ARHGAP21: variants seen among roughly 807,000 people sequenced by gnomAD.
The protein encoded by ARHGAP21 is rho GTPase-activating protein 21.
Under a neutral mutation model 164.6 loss-of-function variants are expected in ARHGAP21, and 38 were observed. The observed-to-expected ratio is 0.23, with a 90% confidence interval of 0.18 to 0.30. The LOEUF (loss-of-function observed/expected upper bound fraction) is 0.30. ARHGAP21 is among the 10% of genes least tolerant of loss of function. The pLI, the probability that ARHGAP21 is intolerant of heterozygous loss-of-function variation, is 1.00. For missense variants in ARHGAP21, 1,822 were observed against 2,370.7 expected, an observed-to-expected ratio of 0.77 and a Z score of 4.81; for synonymous variants, 766 against 857.9, an observed-to-expected ratio of 0.89 and a Z score of 1.87.
intron 2 of ARHGAP21, among the ~76,000 whole-genome samples, chr10:24,714,956 C>T (rs1013186701): frequency 6.0e-5 from 9 of 149,938 alleles, no homozygotes; most frequent in South Asian, 2.1e-4. Flanking sequence ...CATGAGCCCG[C>T]GAGGCAGAGC....
rs372239046 is a variant in ARHGAP21, at chr10:24,678,199, T to C, written c.64-7802A>G. Among the ~76,000 whole-genome samples, 6 of 152,314 alleles carry C rather than the reference T, an allele frequency of 3.9e-5. No homozygotes were observed. The East Asian group carries it at 5.8e-4, about 15-fold the overall frequency. On this transcript the variant is annotated intron_variant, in intron 2 of 25. Coordinates refer to ENST00000396432, the MANE Select transcript of ARHGAP21 (RefSeq NM_020824.4). Reference sequence around the variant, plus strand: ...TCAACAGTAACTTCTTAGAAAACTATAGTACAACATCACAACCAGGTTACT... The same window carrying C: ...TCAACAGTAACTTCTTAGAAAACTACAGTACAACATCACAACCAGGTTACT...
At chr10:24,596,404 T>C (rs2076582492) in intron 17 of ARHGAP21, 1 of 469,676 alleles carries the variant, frequency 2.1e-6, no homozygotes. Flanking sequence ...GTTTTAAATA[T>C]ATGCACATAC....
chr10:24,586,233 G>A (rs1376629832), intron 25 of ARHGAP21, 127 bp from the exon 26 acceptor site: 12 of 1,223,524 alleles, frequency 9.8e-6, no homozygotes, highest in South Asian at 2.0e-5. Context: ...CATTAACAGT[G>A]CAATTAGCTT....
intron 2 of ARHGAP21, among the ~76,000 whole-genome samples, chr10:24,717,669 C>T (rs1211007877): frequency 4.6e-5 from 7 of 152,082 alleles, no homozygotes; most frequent in East Asian, 1.9e-4. Context: ...GACAGAAGCG[C>T]GGACCAAATT....
intron 13 of ARHGAP21, among the ~76,000 whole-genome samples, chr10:24,601,750 A>G (rs1190697524): frequency 1.3e-5 from 2 of 152,210 alleles, no homozygotes; most frequent in Non-Finnish European, 2.9e-5. Context: ...AACGTAAGAC[A>G]ATATATTCTA....
intron 2 of ARHGAP21, among the ~76,000 whole-genome samples, chr10:24,691,576 AACTT>A (rs1194387107): frequency 6.6e-6 from 1 of 152,262 alleles, no homozygotes; most frequent in African/African-American, 2.4e-5. Context: ...GCATTGGTGG[AACTT>A]ACTATTTCAA....
At chr10:24,669,455 T>G (rs1840491684) in intron 3 of ARHGAP21, among the ~76,000 whole-genome samples, 1 of 152,128 alleles carries the variant, frequency 6.6e-6, no homozygotes, top group South Asian at 2.1e-4. Flanking sequence ...CTTCTGAATA[T>G]CATCATTTCC....
chr10:24,644,326 T>C (rs1056228486), intron 4 of ARHGAP21, among the ~76,000 whole-genome samples: 1 of 152,130 alleles, frequency 6.6e-6, no homozygotes, highest in Non-Finnish European at 1.5e-5. Context: ...ACCCTCTCTA[T>C]CCCTTTGTTT....
chr10:24,680,435 G>A (rs971921012), intron 2 of ARHGAP21, among the ~76,000 whole-genome samples: 1 of 152,046 alleles, frequency 6.6e-6, no homozygotes, highest in African/African-American at 2.4e-5. Context: ...GGTAACTCTT[G>A]GATCATGGTT....
chr10:24,712,615 C>T (rs1395795435), intron 2 of ARHGAP21, among the ~76,000 whole-genome samples: 1 of 152,128 alleles, frequency 6.6e-6, no homozygotes, highest in Non-Finnish European at 1.5e-5. Context: ...AGCACAGACA[C>T]AATTTTTTTC....
intron 2 of ARHGAP21, among the ~76,000 whole-genome samples, chr10:24,680,169 C>T (rs148066977): frequency 1.6e-4 from 25 of 152,234 alleles, no homozygotes; most frequent in African/African-American, 6.0e-4. Context: ...ATAATGGTCT[C>T]CTGAATTCGA....
chr10:24,615,813 C>T (rs1335110181), intron 9 of ARHGAP21, among the ~76,000 whole-genome samples: 10 of 152,110 alleles, frequency 6.6e-5, no homozygotes, highest in South Asian at 6.2e-4. Flanking sequence ...ACTATTCTGT[C>T]GCCCAGGCTG....
intron 2 of ARHGAP21, among the ~76,000 whole-genome samples, chr10:24,683,633 T>C (rs904298549): frequency 1.3e-5 from 2 of 152,050 alleles, no homozygotes; most frequent in African/African-American, 4.8e-5. Context: ...CTTTATAGTA[T>C]AATGCCAGAA....
At chr10:24,658,230 T>G (rs917327457) in intron 4 of ARHGAP21, among the ~76,000 whole-genome samples, 2 of 152,152 alleles carry the variant, frequency 1.3e-5, no homozygotes. Flanking sequence ...GTTGGTGGGA[T>G]TGTAAACTAG....
chr10:24,707,625 T>C (rs1432633081), intron 2 of ARHGAP21, among the ~76,000 whole-genome samples: 1 of 152,170 alleles, frequency 6.6e-6, no homozygotes, highest in Non-Finnish European at 1.5e-5. Flanking sequence ...ACCTCCTCTA[T>C]TCCCTAATCT....
In ARHGAP21 at chr10:24,591,231, C is replaced by A. The variant is rs755514709; in HGVS notation, c.4144G>T (p.Val1382Leu). ...CTGCCCAGGCAAGAGTTACCTGATA[C>A]ATCTCCTGGGGAGACTCCTGTCCTT... The part of the protein sequence containing the change: ...IGRTGVSPGD[V>L]SDSATSDSTK... Residue 1382 changes from valine (V) to leucine (L), a missense_variant, in exon 24 of 26, where the codon GTA becomes TTA. Coordinates refer to ENST00000396432, the MANE Select transcript of ARHGAP21 (RefSeq NM_020824.4). 6 of 1,610,938 alleles carry A rather than the reference C, an allele frequency of 3.7e-6. No individual in the cohort carries two copies. Among genetic ancestry groups the A allele is most frequent in the Admixed American group, 1.7e-5 (1 of 59,938 alleles).
At position 24,616,925 on chromosome 10, in the gene ARHGAP21, A is replaced by AAAACAAAATG. The variant is rs1224704575; in HGVS notation, c.2422+2538_2422+2547dup. ...GTTAATGAGTAATATTCCAAATTTAAAAACAAAATGTATTCATTTTGTTTT... is the reference window on the plus strand; with the variant it reads ...GTTAATGAGTAATATTCCAAATTTAAAAACAAAATGAAACAAAATGTATTCATTTTGTTTT... On this transcript the variant is annotated intron_variant, in intron 9 of 25. Transcript: ENST00000396432. Among the ~76,000 whole-genome samples, 6 of 152,272 alleles carry AAAACAAAATG rather than the reference A, an allele frequency of 3.9e-5. No individual in the cohort carries two copies. In the East Asian group the frequency reaches 1.2e-3, roughly 29 times the overall value.
intron 2 of ARHGAP21, among the ~76,000 whole-genome samples, chr10:24,682,227 G>A (rs928265844): frequency 2.0e-5 from 3 of 151,908 alleles, no homozygotes; most frequent in Middle Eastern, 3.2e-3. Flanking sequence ...TGTTTTGTCT[G>A]AAAGGAAAAA....
chr10:24,631,932 G>A (rs1427514617), intron 6 of ARHGAP21, among the ~76,000 whole-genome samples: 1 of 152,000 alleles, frequency 6.6e-6, no homozygotes, highest in African/African-American at 2.4e-5. Context: ...TGTTGCCCAG[G>A]CTGGTATCAA....
Sources: allele counts gnomAD v4.1 joint callset (sites outside exome capture counted in the v4.1 genomes callset), GRCh38; gene constraint gnomAD v4.1.1; transcripts MANE v1.5; gene names NCBI Gene and HGNC (gene_info 2026-07-23, HGNC 2026-07-21).